Variants in CSPP1 observed in about 807,000 individuals in gnomAD.
CSPP1 encodes centrosome and spindle pole associated protein 1.
CSPP1 carries 126 observed loss-of-function variants against 164.4 expected under a neutral mutation model. The ratio of observed to expected loss-of-function variants is 0.77; its 90% CI spans 0.66 to 0.89. The LOEUF is 0.89. CSPP1 is among the 40% of genes least tolerant of loss of function. The pLI, the probability that CSPP1 is intolerant of heterozygous loss-of-function variation, is 0.00. For synonymous variants in CSPP1, 472 were observed against 476.7 expected (o/e 0.99, Z 0.13); for missense variants, 1,395 against 1,449.8 (o/e 0.96, Z 0.61).
At chr8:67,158,006 T>C (rs1826997471) in intron 19 of CSPP1, 2 of 152,404 alleles carry the variant, frequency 1.3e-5, no homozygotes, top group Admixed American at 6.5e-5. Flanking sequence ...AATTTCACTG[T>C]TATTTTAGAA....
chr8:67,092,989 C>A (rs1811945024), intron 5 of CSPP1, among the ~76,000 whole-genome samples: 1 of 151,998 alleles, frequency 6.6e-6, no homozygotes, highest in Non-Finnish European at 1.5e-5. Context: ...AGGGAGGTGT[C>A]CCTGAGAAGG....
At chr8:67,118,950 C>A in intron 15 of CSPP1, 129 bp downstream of exon 15, 1 of 641,430 alleles carries the variant, frequency 1.6e-6, no homozygotes, top group Non-Finnish European at 2.8e-6. Context: ...TCATAATGTG[C>A]AACCATCACC....
At chr8:67,093,485 AG>A in intron 5 of CSPP1, 57 bp from the exon 6 acceptor site, 1 of 1,031,366 alleles carries the variant, frequency 9.7e-7, no homozygotes, top group East Asian at 2.4e-5. Flanking sequence ...TAGGACATTG[AG>A]GGATTTTTTT....
chr8:67,175,116 A>G (rs1284967790), intron 25 of CSPP1, 180 bp from the exon 26 acceptor site: 1 of 587,900 alleles, frequency 1.7e-6, no homozygotes, highest in Non-Finnish European at 3.0e-6. Context: ...AAGAATATTA[A>G]TTTCATATTC....
At chr8:67,160,760 A>G (rs191840112) in intron 21 of CSPP1, among the ~76,000 whole-genome samples, 96 of 151,684 alleles carry the variant, frequency 6.3e-4, no homozygotes, top group African/African-American at 2.2e-3. Flanking sequence ...TTATTTAGTT[A>G]GCTTCTATCT....
At chr8:67,140,095 A>T (rs1258428707) in intron 17 of CSPP1, among the ~76,000 whole-genome samples, 1 of 151,702 alleles carries the variant, frequency 6.6e-6, no homozygotes, top group Non-Finnish European at 1.5e-5. Context: ...TAATTAATTA[A>T]TTTTTTCGAG....
At chr8:67,085,208 C>T (rs1274626376) in intron 3 of CSPP1, among the ~76,000 whole-genome samples, 1 of 151,780 alleles carries the variant, frequency 6.6e-6, no homozygotes, top group Admixed American at 6.6e-5. Context: ...GTACTTAATG[C>T]CACTGAATTG....
intron 7 of CSPP1, among the ~76,000 whole-genome samples, chr8:67,096,928 A>G (rs1812923593): frequency 6.6e-6 from 1 of 152,184 alleles, no homozygotes; most frequent in Non-Finnish European, 1.5e-5. Flanking sequence ...CTTAAAATAG[A>G]TGAAATACAA....
chr8:67,183,482 AAT>A (rs1833554799), intron 28 of CSPP1, among the ~76,000 whole-genome samples: 1 of 152,234 alleles, frequency 6.6e-6, no homozygotes, highest in African/African-American at 2.4e-5. Flanking sequence ...ACTAGAAATC[AAT>A]AACAGAAAGA....
At chr8:67,111,935 A>T in intron 9 of CSPP1, 37 bp from the exon 10 acceptor site, 1 of 1,294,910 alleles carries the variant, frequency 7.7e-7, no homozygotes, top group Non-Finnish European at 1.1e-6. Flanking sequence ...ACGATGCTTA[A>T]GAGTTAAGAT....
chr8:67,093,705 A>G, intron 6 of CSPP1, 64 bp downstream of exon 6: 1 of 939,214 alleles, frequency 1.1e-6, no homozygotes, highest in Non-Finnish European at 1.6e-6. Context: ...TTTGTACTTG[A>G]AAAGCTTTTT....
intron 4 of CSPP1, chr8:67,086,884 CTTTCTT>C: frequency 8.7e-7 from 1 of 1,144,086 alleles, no homozygotes; most frequent in African/African-American, 1.7e-5. Context: ...TCAGTTTTTT[CTTTCTT>C]TTTTTTTTTT....
At chr8:67,096,332 C>T (rs548566756) in intron 7 of CSPP1, among the ~76,000 whole-genome samples, 2 of 151,786 alleles carry the variant, frequency 1.3e-5, no homozygotes, top group African/African-American at 2.4e-5. Context: ...TTTGGGAGGC[C>T]GAGGCGGGCG....
chr8:67,111,140 G>C (rs1563582315), intron 9 of CSPP1, among the ~76,000 whole-genome samples: 2 of 152,214 alleles, frequency 1.3e-5, no homozygotes, highest in South Asian at 2.1e-4. Flanking sequence ...GATACCCTGT[G>C]ATTTTTGTAG....
At position 67,153,386 on chromosome 8, in the gene CSPP1, T is replaced by C. The variant is rs547667595; in HGVS notation, c.2129-638T>C. On this transcript the variant is annotated intron_variant, in intron 18 of 30. Coordinates refer to ENST00000678616, the MANE Select transcript of CSPP1 (RefSeq NM_001382391.1). ...GCTTTTATGAAATAATTTTTTCCAT[T>C]CCAAGAATATATGATACTATTTATA... Among the ~76,000 whole-genome samples the C allele has an allele frequency of 7.2e-5, 11 of 152,246 alleles. No homozygotes were observed. In the South Asian group the frequency reaches 1.9e-3, roughly 26 times the overall value.
intron 20 of CSPP1, 126 bp downstream of exon 20, chr8:67,158,722 A>ATCCAAAGAATG: frequency 1.6e-6 from 2 of 1,221,512 alleles, no homozygotes; most frequent in African/African-American, 1.5e-5. Flanking sequence ...TCAGATCAAT[A>ATCCAAAGAATG]TACATTCTTT....
intron 28 of CSPP1, among the ~76,000 whole-genome samples, chr8:67,183,362 C>T (rs2129572177): frequency 1.3e-5 from 2 of 152,278 alleles, no homozygotes; most frequent in Middle Eastern, 3.4e-3. Flanking sequence ...CTCAGGGTCA[C>T]ATGGAACATT....
At chr8:67,073,344 A>G (rs1358844907) in intron 1 of CSPP1, among the ~76,000 whole-genome samples, 1 of 152,218 alleles carries the variant, frequency 6.6e-6, no homozygotes, top group Non-Finnish European at 1.5e-5. Context: ...AAATTTAGTC[A>G]TTAAGAAACA....
chr8:67,196,471 A>ACTC lies in CSPP1; in HGVS notation c.*879_*881dup, dbSNP rs1181993828. Among the ~76,000 whole-genome samples, 1 of 152,128 alleles carries ACTC rather than the reference A, an allele frequency of 6.6e-6. No individual in the cohort carries two copies. Among genetic ancestry groups the ACTC allele is most frequent in the Non-Finnish European group, 1.5e-5 (1 of 68,020 alleles). On this transcript the variant is annotated 3_prime_UTR_variant, in exon 31 of 31. Coordinates refer to ENST00000678616, the MANE Select transcript of CSPP1 (RefSeq NM_001382391.1). ...TCATTCAAATAATTGTGACATTCTG[A>ACTC]CTCAGATTAGAATCTCAGAACCATG...
Sources: allele counts gnomAD v4.1 joint callset (sites outside exome capture counted in the v4.1 genomes callset), GRCh38; gene constraint gnomAD v4.1.1; transcripts MANE v1.5; gene names NCBI Gene and HGNC (gene_info 2026-07-23, HGNC 2026-07-21).